ROBO2: variants seen among roughly 807,000 people sequenced by gnomAD.
ROBO2 encodes roundabout homolog 2.
A neutral mutation model predicts 160.8 loss-of-function variants in ROBO2; 53 were observed. The observed-to-expected ratio is 0.33, with a 90% CI of 0.26 to 0.41. The LOEUF (loss-of-function observed/expected upper bound fraction) is 0.41, where lower values mean the gene tolerates loss of function less well. Among genes scored for constraint, ROBO2 ranks in the 10% least tolerant of loss-of-function variants. The pLI, the probability that ROBO2 is intolerant of heterozygous loss-of-function variation, is 1.00. For missense variants in ROBO2, 1,577 were observed against 1,722.4 expected (o/e 0.92, Z 1.49); for synonymous variants, 664 against 611.7 (o/e 1.09, Z -1.26).
At chr3:77,339,198 G>T (rs2066802096) in intron 2 of ROBO2, among the ~76,000 whole-genome samples, 3 of 151,562 alleles carry the variant, frequency 2.0e-5, no homozygotes, top group African/African-American at 7.3e-5. Context: ...TTTAATCATA[G>T]ATATATATAT....
chr3:76,057,598 A>C (rs2067894723), intron 2 of ROBO2, among the ~76,000 whole-genome samples: 1 of 152,138 alleles, frequency 6.6e-6, no homozygotes. Flanking sequence ...CTTTTTTAGA[A>C]ATATATCAGT....
chr3:76,433,355 A>G (rs1230659424), intron 2 of ROBO2, among the ~76,000 whole-genome samples: 1 of 152,220 alleles, frequency 6.6e-6, no homozygotes, highest in African/African-American at 2.4e-5. Context: ...AATATTTAGT[A>G]TAAATAAACT....
At chr3:76,236,615 T>C (rs1704960523) in intron 2 of ROBO2, among the ~76,000 whole-genome samples, 1 of 152,160 alleles carries the variant, frequency 6.6e-6, no homozygotes, top group Non-Finnish European at 1.5e-5. Context: ...CTGTAAATCT[T>C]ACAAATGACA....
intron 2 of ROBO2, among the ~76,000 whole-genome samples, chr3:76,562,491 T>C (rs776049431): frequency 1.3e-5 from 2 of 151,964 alleles, no homozygotes; most frequent in African/African-American, 4.8e-5. Context: ...TTTCATTGTG[T>C]CTGTTATCAA....
intron 2 of ROBO2, among the ~76,000 whole-genome samples, chr3:76,879,219 G>C (rs1159024870): frequency 6.6e-6 from 1 of 151,996 alleles, no homozygotes; most frequent in African/African-American, 2.4e-5. Flanking sequence ...AAATGTGAAG[G>C]GGAGAAGAGA....
At chr3:76,215,134 A>C (rs1406349081) in intron 2 of ROBO2, among the ~76,000 whole-genome samples, 1 of 152,208 alleles carries the variant, frequency 6.6e-6, no homozygotes, top group Non-Finnish European at 1.5e-5. Flanking sequence ...ACAAACAGAA[A>C]GGACATCCAC....
chr3:76,617,364 C>A (rs1032714963), intron 2 of ROBO2, among the ~76,000 whole-genome samples: 1 of 152,024 alleles, frequency 6.6e-6, no homozygotes, highest in Non-Finnish European at 1.5e-5. Flanking sequence ...TTTCCATTTG[C>A]AACTCATTTT....
At chr3:77,317,661 G>A in intron 2 of ROBO2, 1 of 160,816 alleles carries the variant, frequency 6.2e-6, no homozygotes, top group South Asian at 5.8e-5. Flanking sequence ...TGCTGCTGGG[G>A]GGCTGCTGGG....
At chr3:76,444,332 A>G (rs1346690707) in intron 2 of ROBO2, among the ~76,000 whole-genome samples, 4 of 152,168 alleles carry the variant, frequency 2.6e-5, no homozygotes, top group African/African-American at 4.8e-5. Flanking sequence ...AAATAACTTA[A>G]AAAATCTAGT....
At chr3:76,427,091 C>T (rs984785173) in intron 2 of ROBO2, among the ~76,000 whole-genome samples, 5 of 152,080 alleles carry the variant, frequency 3.3e-5, no homozygotes, top group Admixed American at 1.3e-4. Context: ...TTGTGCTAGT[C>T]GAAATTGATC....
At chr3:76,317,646 C>T (rs990401647) in intron 2 of ROBO2, among the ~76,000 whole-genome samples, 4 of 152,004 alleles carry the variant, frequency 2.6e-5, no homozygotes, top group Non-Finnish European at 5.9e-5. Context: ...AGATTTAATA[C>T]CTTATCTTTC....
chr3:77,553,653 T>C (rs2093004461), intron 8 of ROBO2, among the ~76,000 whole-genome samples: 1 of 151,960 alleles, frequency 6.6e-6, no homozygotes. Context: ...ATTGCTGATA[T>C]GAAGAAAGTT....
chr3:77,331,951 C>T (rs1418674532), intron 2 of ROBO2, among the ~76,000 whole-genome samples: 1 of 152,314 alleles, frequency 6.6e-6, no homozygotes, highest in Non-Finnish European at 1.5e-5. Flanking sequence ...GGTGACCCAC[C>T]TGCCTCGGCC....
At chr3:77,177,640 A>G (rs951553756) in intron 2 of ROBO2, among the ~76,000 whole-genome samples, 2 of 151,884 alleles carry the variant, frequency 1.3e-5, no homozygotes, top group Non-Finnish European at 2.9e-5. Flanking sequence ...TCTGAGCTTG[A>G]TTGAATCCAC....
chr3:76,618,913 A>G (rs912420633), intron 2 of ROBO2, among the ~76,000 whole-genome samples: 6 of 151,854 alleles, frequency 4.0e-5, no homozygotes, highest in Non-Finnish European at 7.4e-5. Context: ...GTTCACCCCC[A>G]GGAGTAATTC....
intron 2 of ROBO2, among the ~76,000 whole-genome samples, chr3:77,382,792 A>G (rs2073677227): frequency 6.6e-6 from 1 of 152,212 alleles, no homozygotes; most frequent in African/African-American, 2.4e-5. Context: ...GTGCATATAT[A>G]CCACATTTTC....
intron 2 of ROBO2, among the ~76,000 whole-genome samples, chr3:76,553,826 A>C (rs1421431924): frequency 6.6e-6 from 1 of 152,178 alleles, no homozygotes; most frequent in Non-Finnish European, 1.5e-5. Flanking sequence ...TTTTCTGCTC[A>C]TAAGCAATGA....
At chr3:77,628,660 C>T (rs1391689126) in intron 23 of ROBO2, among the ~76,000 whole-genome samples, 1 of 152,112 alleles carries the variant, frequency 6.6e-6, no homozygotes, top group African/African-American at 2.4e-5. Flanking sequence ...CATAAATATG[C>T]CCATTCCATA....
intron 2 of ROBO2, among the ~76,000 whole-genome samples, chr3:76,320,796 C>A (rs549251034): frequency 6.6e-6 from 1 of 152,078 alleles, no homozygotes; most frequent in African/African-American, 2.4e-5. Context: ...TTGTTGATTG[C>A]GAAGTGTAAT....
Sources: allele counts gnomAD v4.1 joint callset (sites outside exome capture counted in the v4.1 genomes callset), GRCh38; gene constraint gnomAD v4.1.1; transcripts MANE v1.5; gene names NCBI Gene and HGNC (gene_info 2026-07-23, HGNC 2026-07-21).